The following CTBP2 variants were observed in gnomAD, a reference collection of about 807,000 sequenced individuals.
The protein encoded by CTBP2 is C-terminal-binding protein 2.
Under a neutral mutation model 80.3 loss-of-function variants are expected in CTBP2, and 30 were observed. That is an observed-to-expected ratio of 0.37 (90% CI 0.28 to 0.51). The LOEUF is 0.51. CTBP2 is among the 20% of genes least tolerant of loss of function. CTBP2 has a pLI of 0.93. For synonymous variants in CTBP2, 594 were observed against 587.4 expected, an observed-to-expected ratio of 1.01 and a Z score of -0.16; for missense variants, 1,212 against 1,375.3, an observed-to-expected ratio of 0.88 and a Z score of 1.88.
chr10:125,033,436 CAG>C, intron 3 of CTBP2, among the ~76,000 whole-genome samples: 1 of 137,250 alleles, frequency 7.3e-6, no homozygotes, highest in Middle Eastern at 3.7e-3. Flanking sequence ...AGAAACCAAT[CAG>C]AGAGGAGTCT....
At chr10:125,019,703 T>C (rs1956859119) in intron 1 of CTBP2, among the ~76,000 whole-genome samples, 2 of 152,230 alleles carry the variant, frequency 1.3e-5, no homozygotes, top group South Asian at 4.1e-4. Context: ...AAAACTAACA[T>C]TCCTGGAGGA....
chr10:124,996,600 G>C lies in CTBP2; in HGVS notation c.2185+1364C>G, dbSNP rs1052352797. 5.9e-5 allele frequency: 9 copies of C among 152,388 alleles called. No homozygotes were observed. The East Asian group carries it at 1.7e-3, about 29-fold the overall frequency. 9.4% of individuals were successfully genotyped at this position (152,388 alleles called of 1,614,324 possible). A position where few individuals can be genotyped will look rare whatever the true frequency, so the allele number is the denominator to read the frequency against. On this transcript the variant is annotated intron_variant, in intron 4 of 8. Coordinates refer to ENST00000309035, the MANE Select transcript of CTBP2 (RefSeq NM_022802.3). ...TTGAATGACAAGGGCACAGCTACAGGAACGACCCCAGGAAGAAGTCCCGTG... is the reference window on the plus strand; with the variant it reads ...TTGAATGACAAGGGCACAGCTACAGCAACGACCCCAGGAAGAAGTCCCGTG...
chr10:125,160,155 C>A (rs1348184982), intron 1 of CTBP2, 164 bp downstream of exon 1: 1 of 150,622 alleles, frequency 6.6e-6, no homozygotes, highest in Admixed American at 6.6e-5. Flanking sequence ...GGGCACGGAC[C>A]AAAGATGTCC....
chr10:124,993,350 C>A (rs373076254), intron 6 of CTBP2, 21 bp from the exon 9 acceptor site: 425 of 1,602,638 alleles, frequency 2.7e-4, no homozygotes, highest in Admixed American at 3.5e-4. Flanking sequence ...GTAGAAAAAA[C>A]AGAGTAAGCG....
intron 1 of CTBP2, among the ~76,000 whole-genome samples, chr10:125,149,028 G>T (rs1187385398): frequency 6.6e-6 from 1 of 152,182 alleles, no homozygotes; most frequent in African/African-American, 2.4e-5. Context: ...TCAGAGCTGC[G>T]GCAGGTCCAC....
intron 2 of CTBP2, among the ~76,000 whole-genome samples, chr10:125,106,670 C>G (rs905987159): frequency 6.6e-6 from 1 of 152,222 alleles, no homozygotes; most frequent in Admixed American, 6.5e-5. Context: ...ATGCCCTGCT[C>G]GGAGGTACCC....
At chr10:125,124,819 T>C (rs1408942092) in intron 1 of CTBP2, among the ~76,000 whole-genome samples, 1 of 152,262 alleles carries the variant, frequency 6.6e-6, no homozygotes, top group Non-Finnish European at 1.5e-5. Context: ...AATCTTCTGC[T>C]ACAGATCTTT....
At chr10:125,144,762 C>T (rs1308653805) in intron 1 of CTBP2, among the ~76,000 whole-genome samples, 2 of 152,242 alleles carry the variant, frequency 1.3e-5, no homozygotes, top group African/African-American at 4.8e-5. Context: ...CTGTGGCATC[C>T]ATCTTTGACT....
intron 3 of CTBP2, among the ~76,000 whole-genome samples, chr10:125,038,220 CA>C (rs1959076299): frequency 6.6e-6 from 1 of 152,160 alleles, no homozygotes; most frequent in South Asian, 2.1e-4. Flanking sequence ...TATTCCTGTC[CA>C]CAAACTGGTG....
In CTBP2 at chr10:125,115,030, T is replaced by C. The variant is rs150931282; in HGVS notation, c.-205-3937A>G. Among the ~76,000 whole-genome samples, 555 of 152,236 alleles carry C rather than the reference T, an allele frequency of 3.6e-3. 1 individual carries two copies. Among genetic ancestry groups the C allele is most frequent in the Non-Finnish European group, 6.2e-3 (423 of 68,010 alleles). On this transcript the variant is annotated intron_variant, in intron 1 of 10. Coordinates refer to the CTBP2 transcript ENST00000337195. Reference sequence around the variant, plus strand: ...ACATTTTGGCTGTCTAGGCTCCTCCTCCTACTACTGTCCCGCCGTGGATGG... The same window carrying C: ...ACATTTTGGCTGTCTAGGCTCCTCCCCCTACTACTGTCCCGCCGTGGATGG...
At chr10:125,081,689 T>C (rs879679493) in intron 2 of CTBP2, among the ~76,000 whole-genome samples, 1 of 152,076 alleles carries the variant, frequency 6.6e-6, no homozygotes, top group Admixed American at 6.5e-5. Flanking sequence ...AAAATAGACA[T>C]GAATGGCCAC....
Position 125,007,297 on chromosome 10 carries a change from T to C in CTBP2, c.1679-3805A>G, listed in dbSNP as rs139143311. Among the ~76,000 whole-genome samples the C allele has an allele frequency of 5.9e-4, 90 of 152,390 alleles. 2 individuals carry two copies. The Middle Eastern group carries it at 0.027, about 46-fold the overall frequency. On this transcript the variant is annotated intron_variant, in intron 1 of 8. Transcript: ENST00000309035. ...GCTTGCGTGTGCACCAGGACGGCCC[T>C]GCCCCTCCGTCCGGGATGTGCTGTG...
In CTBP2 at chr10:125,051,007, G is replaced by A. The variant is rs77448346; in HGVS notation, c.-101-11852C>T. Among the ~76,000 whole-genome samples the A allele has an allele frequency of 8.2e-3, 1,253 of 152,324 alleles. 7 individuals carry two copies. Among genetic ancestry groups the A allele is most frequent in the Non-Finnish European group, 0.011 (766 of 68,028 alleles). On this transcript the variant is annotated intron_variant, in intron 2 of 10. Coordinates refer to the CTBP2 transcript ENST00000337195. The stretch of plus-strand genomic sequence containing the variant: ...CCTATGTGGAGAATTACAGCTCATC[G>A]TGAGCTACCATCAGGGATCCTAATT...
rs990332312 is a variant in CTBP2 at position 124,986,641 on chromosome 10, GTGT to G, written c.*2874_*2876del. 4.9e-4 allele frequency: 74 copies of G among 152,260 alleles called. No homozygotes were observed. The highest frequency in any genetic ancestry group is 1.6e-3 in the African/African-American group (66 of 41,564). 9.4% of individuals were successfully genotyped at this position (152,260 alleles called of 1,614,324 possible). On this transcript the variant is annotated 3_prime_UTR_variant, in exon 9 of 9. Transcript: ENST00000309035. ...CTGCTGTTTGTTTCAAGTGGTGAAT[GTGT>G]TGTTAAAAATTGGCTGTTTGCTTTC...
At chr10:125,098,889 C>T (rs1850175889) in intron 2 of CTBP2, among the ~76,000 whole-genome samples, 1 of 152,100 alleles carries the variant, frequency 6.6e-6, no homozygotes, top group Admixed American at 6.5e-5. Flanking sequence ...TGCTCTGGGG[C>T]CACCTCCTCC....
intron 2 of CTBP2, among the ~76,000 whole-genome samples, chr10:125,070,349 TCAAA>T (rs1384229599): frequency 4.6e-5 from 7 of 151,976 alleles, no homozygotes; most frequent in Admixed American, 2.0e-4. Flanking sequence ...AGACTCTGTC[TCAAA>T]CAAACAAACA....
At chr10:125,157,385 G>A (rs1467238154) in intron 1 of CTBP2, among the ~76,000 whole-genome samples, 43 of 112,482 alleles carry the variant, frequency 3.8e-4, no homozygotes, top group African/African-American at 1.4e-3. Flanking sequence ...GGGTTGTCAG[G>A]TGGGGGTTAA....
chr10:125,125,266 A>G (rs1337425806), intron 1 of CTBP2, among the ~76,000 whole-genome samples: 2 of 152,212 alleles, frequency 1.3e-5, no homozygotes, highest in Non-Finnish European at 2.9e-5. Context: ...TGACCTACAT[A>G]TTCAATTGCT....
intron 2 of CTBP2, among the ~76,000 whole-genome samples, chr10:125,060,178 G>T (rs1270248879): frequency 1.3e-5 from 2 of 152,148 alleles, no homozygotes; most frequent in Non-Finnish European, 2.9e-5. Flanking sequence ...ATTCCCCACA[G>T]CCATTTATTT....
Sources: gnomAD v4.1 joint callset for allele counts (sites outside exome capture counted in the v4.1 genomes callset) on GRCh38, gnomAD v4.1.1 for gene constraint, MANE v1.5 for transcripts, NCBI Gene and HGNC (gene_info 2026-07-23, HGNC 2026-07-21) for gene names.